The following PDE3B variants were observed in gnomAD, a reference collection of about 807,000 sequenced individuals.
PDE3B encodes cGMP-inhibited 3',5'-cyclic phosphodiesterase 3B.
Under a neutral mutation model 116.8 loss-of-function variants are expected in PDE3B, and 66 were observed. That is an observed-to-expected ratio of 0.56 (90% CI 0.46 to 0.69). PDE3B has a LOEUF of 0.69. PDE3B is among the 30% of genes least tolerant of loss of function. PDE3B has a pLI of 0.00. For synonymous variants in PDE3B, 595 were observed against 533.6 expected (o/e 1.12, Z -1.59); for missense variants, 1,384 against 1,368.1 (o/e 1.01, Z -0.18).
chr11:14,677,710 C>A (rs1854573352), intron 1 of PDE3B, among the ~76,000 whole-genome samples: 2 of 152,130 alleles, frequency 1.3e-5, no homozygotes, highest in Non-Finnish European at 2.9e-5. Flanking sequence ...TTCCTTCTAT[C>A]CCTAATCCCT....
chr11:14,741,656 G>A (rs1320408063), intron 1 of PDE3B, among the ~76,000 whole-genome samples: 1 of 152,052 alleles, frequency 6.6e-6, no homozygotes, highest in African/African-American at 2.4e-5. Flanking sequence ...TGTTTTGCCT[G>A]TTAGTTGATG....
At chr11:14,817,830 A>G (rs1437544948) in intron 5 of PDE3B, among the ~76,000 whole-genome samples, 2 of 152,188 alleles carry the variant, frequency 1.3e-5, no homozygotes, top group African/African-American at 4.8e-5. Context: ...CTTGTGGATA[A>G]TCAATCTGAT....
At position 14,653,455 on chromosome 11, in the gene PDE3B, C is replaced by T. The variant is rs544928787; in HGVS notation, c.978+8402C>T. The stretch of plus-strand genomic sequence containing the variant: ...AGTACACAACAAAAACACATCCGCC[C>T]TCGGGAGGCTGAGGCAGGAGAATGG... On this transcript the variant is annotated intron_variant, in intron 1 of 15. Transcript: ENST00000282096. Among the ~76,000 whole-genome samples, 5 of 152,064 alleles carry T rather than the reference C, an allele frequency of 3.3e-5. No individual in the cohort carries two copies. The South Asian group carries it at 8.3e-4, about 25-fold the overall frequency.
intron 1 of PDE3B, among the ~76,000 whole-genome samples, chr11:14,713,959 GT>G (rs1359802386): frequency 1.3e-5 from 2 of 152,098 alleles, no homozygotes; most frequent in Non-Finnish European, 2.9e-5. Context: ...TGTTTCTACT[GT>G]TTTTTTGCAT....
chr11:14,770,289 T>C (rs756887950), intron 1 of PDE3B, among the ~76,000 whole-genome samples: 6 of 151,438 alleles, frequency 4.0e-5, no homozygotes, highest in Non-Finnish European at 7.4e-5. Context: ...ATAGATGTTA[T>C]GATAATGGGA....
chr11:14,786,298 A>G (rs1379887864), intron 2 of PDE3B, 139 bp from the exon 3 acceptor site: 1 of 547,438 alleles, frequency 1.8e-6, no homozygotes, highest in African/African-American at 1.9e-5. Context: ...ATAATCAGCT[A>G]GCGAAAAAGA....
chr11:14,828,260 G>A (rs553060910), intron 7 of PDE3B, among the ~76,000 whole-genome samples: 4 of 152,252 alleles, frequency 2.6e-5, no homozygotes, highest in African/African-American at 9.6e-5. Context: ...ATAGATACTG[G>A]CAAAGATTTC....
chr11:14,829,691 A>G (rs990062860), intron 7 of PDE3B, among the ~76,000 whole-genome samples: 3 of 152,078 alleles, frequency 2.0e-5, no homozygotes, highest in Non-Finnish European at 4.4e-5. Flanking sequence ...GGCCTACCTG[A>G]TGGTGGAGGG....
chr11:14,820,714 C>CTT (rs1859492372), intron 7 of PDE3B, among the ~76,000 whole-genome samples: 1 of 152,026 alleles, frequency 6.6e-6, no homozygotes, highest in Non-Finnish European at 1.5e-5. Context: ...GATTAGTTCC[C>CTT]TTATAAAAGA....
chr11:14,705,223 T>C (rs1287507848), intron 1 of PDE3B, among the ~76,000 whole-genome samples: 1 of 151,826 alleles, frequency 6.6e-6, no homozygotes, highest in Non-Finnish European at 1.5e-5. Flanking sequence ...TTATAGCAGT[T>C]AATTCATAAT....
chr11:14,769,325 T>G (rs1242609073), intron 1 of PDE3B, among the ~76,000 whole-genome samples: 1 of 151,172 alleles, frequency 6.6e-6, no homozygotes, highest in Middle Eastern at 3.2e-3. Context: ...AATGCTACAG[T>G]AGAGAGATCT....
chr11:14,796,040 G>T (rs752612496), intron 4 of PDE3B, among the ~76,000 whole-genome samples: 1 of 151,788 alleles, frequency 6.6e-6, no homozygotes, highest in Non-Finnish European at 1.5e-5. Context: ...CCCACCCCCC[G>T]ACAGGCCCTG....
intron 12 of PDE3B, among the ~76,000 whole-genome samples, chr11:14,857,233 T>C (rs565793236): frequency 6.6e-6 from 1 of 152,280 alleles, no homozygotes; most frequent in African/African-American, 2.4e-5. Context: ...TCAAAGGATG[T>C]TAGTTTATTG....
intron 1 of PDE3B, among the ~76,000 whole-genome samples, chr11:14,740,733 G>T (rs993791885): frequency 6.6e-6 from 1 of 152,038 alleles, no homozygotes; most frequent in Non-Finnish European, 1.5e-5. Flanking sequence ...TCTCTTGTAG[G>T]CATTTAGTCT....
chr11:14,864,185 A>G (rs1354703720), intron 14 of PDE3B, among the ~76,000 whole-genome samples: 2 of 152,206 alleles, frequency 1.3e-5, no homozygotes, highest in African/African-American at 2.4e-5. Flanking sequence ...CTTTAAACCA[A>G]CACAGACAGA....
chr11:14,852,391 A>G (rs1230939425), intron 12 of PDE3B, among the ~76,000 whole-genome samples: 1 of 152,192 alleles, frequency 6.6e-6, no homozygotes, highest in East Asian at 1.9e-4. Context: ...ATTTTCGTAA[A>G]GTATATCTTC....
chr11:14,884,308 G>T, the PDE3B span, among the ~76,000 whole-genome samples: 5 of 152,000 alleles, frequency 3.3e-5, 1 homozygote, highest in East Asian at 9.9e-4. Flanking sequence ...TAGACTGGAT[G>T]AAGAAAATGT....
chr11:14,670,830 A>G (rs1298065213), intron 1 of PDE3B, among the ~76,000 whole-genome samples: 2 of 151,870 alleles, frequency 1.3e-5, no homozygotes, highest in Non-Finnish European at 2.9e-5. Flanking sequence ...CTACCTTCCA[A>G]CAATCCAGCT....
the PDE3B span, chr11:14,880,130 C>T: frequency 6.2e-7 from 1 of 1,612,222 alleles, no homozygotes; most frequent in Non-Finnish European, 8.5e-7. Context: ...TCAAGAGAAT[C>T]CTCACCTTGA....
Sources: gnomAD v4.1 joint callset for allele counts (sites outside exome capture counted in the v4.1 genomes callset) on GRCh38, gnomAD v4.1.1 for gene constraint, MANE v1.5 for transcripts, NCBI Gene and HGNC (gene_info 2026-07-23, HGNC 2026-07-21) for gene names.